The following CHSY3 variants were observed in gnomAD, a reference collection of about 807,000 sequenced individuals.
CHSY3 encodes N-acetylgalactosaminyl-proteoglycan 3-beta-glucuronosyltransferase 3.
CHSY3 carries 35 observed loss-of-function variants against 67.2 expected under a neutral mutation model. The ratio of observed to expected loss-of-function variants is 0.52; its 90% CI spans 0.40 to 0.69. The LOEUF (loss-of-function observed/expected upper bound fraction) is 0.69. CHSY3 is among the 30% of genes least tolerant of loss of function. The pLI is 0.00. For synonymous variants in CHSY3, 474 were observed against 434.7 expected, an observed-to-expected ratio of 1.09 and a Z score of -1.12; for missense variants, 1,069 against 1,138.5, an observed-to-expected ratio of 0.94 and a Z score of 0.88.
intron 2 of CHSY3, among the ~76,000 whole-genome samples, chr5:130,042,049 A>G (rs1278876278): frequency 6.6e-6 from 1 of 152,102 alleles, no homozygotes; most frequent in Non-Finnish European, 1.5e-5. Context: ...AGCCTGGGCA[A>G]CATATTAAGA....
At chr5:129,945,002 A>G (rs1761809280) in intron 2 of CHSY3, among the ~76,000 whole-genome samples, 1 of 152,162 alleles carries the variant, frequency 6.6e-6, no homozygotes, top group South Asian at 2.1e-4. Flanking sequence ...ATTTTAGAAC[A>G]CTTATATTCC....
chr5:129,933,276 T>G (rs974976279), intron 2 of CHSY3, among the ~76,000 whole-genome samples: 7 of 152,084 alleles, frequency 4.6e-5, no homozygotes, highest in African/African-American at 1.7e-4. Flanking sequence ...AGTAAAATTC[T>G]GTGGAAAGGA....
chr5:129,975,928 G>T (rs1762792923), intron 2 of CHSY3, among the ~76,000 whole-genome samples: 1 of 152,120 alleles, frequency 6.6e-6, no homozygotes, highest in African/African-American at 2.4e-5. Flanking sequence ...CAAGGAGACT[G>T]ATGCATGCAG....
chr5:130,103,037 A>T (rs1351938108), intron 2 of CHSY3, among the ~76,000 whole-genome samples: 1 of 152,086 alleles, frequency 6.6e-6, no homozygotes, highest in African/African-American at 2.4e-5. Context: ...AGAAAAAAAA[A>T]TAGGACTACT....
chr5:130,133,796 G>GA (rs375900326), intron 2 of CHSY3, among the ~76,000 whole-genome samples: 87 of 97,914 alleles, frequency 8.9e-4, no homozygotes, highest in African/African-American at 2.4e-3. Flanking sequence ...AAAAAAAAAA[G>GA]AAAAAAAAAA....
At chr5:130,160,891 A>ATTTTTTTT (rs1171885849) in intron 2 of CHSY3, among the ~76,000 whole-genome samples, 9 of 138,256 alleles carry the variant, frequency 6.5e-5, no homozygotes, top group African/African-American at 2.7e-4. Context: ...TTATTTATTT[A>ATTTTTTTT]TTTATTTTTT....
rs371975374 is a variant in CHSY3 at position 130,146,123 on chromosome 5, C to T, written c.1087-38106C>T. ...AATATATATCCAAAGGAAATATAAT[C>T]AGTATGTTGAAGATATATCTACACT... On this transcript the variant is annotated intron_variant, in intron 2 of 2. Transcript: ENST00000305031. Among the ~76,000 whole-genome samples the T allele has an allele frequency of 2.1e-3, 323 of 152,082 alleles. 6 individuals are homozygous for T. In the South Asian group the frequency reaches 0.035, roughly 17 times the overall value.
intron 2 of CHSY3, among the ~76,000 whole-genome samples, chr5:130,109,666 C>T (rs908224554): frequency 6.6e-6 from 1 of 151,652 alleles, no homozygotes; most frequent in African/African-American, 2.4e-5. Flanking sequence ...CCTTAAAGAA[C>T]ACACTTTCCT....
chr5:130,124,193 G>A (rs1768175347), intron 2 of CHSY3, among the ~76,000 whole-genome samples: 1 of 152,036 alleles, frequency 6.6e-6, no homozygotes, highest in Non-Finnish European at 1.5e-5. Flanking sequence ...ATAACAACAG[G>A]ATGTGAGCCG....
At chr5:129,956,340 C>T (rs887236112) in intron 2 of CHSY3, among the ~76,000 whole-genome samples, 3 of 151,708 alleles carry the variant, frequency 2.0e-5, no homozygotes, top group Admixed American at 6.6e-5. Context: ...GCTTGTTGGT[C>T]GTATGTAGGT....
At chr5:130,034,916 T>C (rs1042889246) in intron 2 of CHSY3, among the ~76,000 whole-genome samples, 1 of 151,934 alleles carries the variant, frequency 6.6e-6, no homozygotes, top group Non-Finnish European at 1.5e-5. Flanking sequence ...TTGCTTGAAA[T>C]ATTAAAGAAG....
chr5:129,938,188 G>A (rs973215805), intron 2 of CHSY3, among the ~76,000 whole-genome samples: 7 of 152,178 alleles, frequency 4.6e-5, no homozygotes, highest in African/African-American at 1.4e-4. Flanking sequence ...TTTAGCCATG[G>A]CTAGAGCTGG....
intron 2 of CHSY3, among the ~76,000 whole-genome samples, chr5:130,164,123 C>A (rs1228437575): frequency 6.6e-6 from 1 of 152,176 alleles, no homozygotes; most frequent in East Asian, 1.9e-4. Context: ...TTAATATGTC[C>A]TTCTGGTTTT....
chr5:130,099,431 G>A (rs891884948), intron 2 of CHSY3, among the ~76,000 whole-genome samples: 13 of 152,174 alleles, frequency 8.5e-5, no homozygotes, highest in Non-Finnish European at 1.8e-4. Context: ...AGATGCCAAG[G>A]ATGTAGTGAC....
intron 2 of CHSY3, among the ~76,000 whole-genome samples, chr5:130,114,218 A>G (rs1378491307): frequency 1.3e-5 from 2 of 152,192 alleles, no homozygotes; most frequent in Non-Finnish European, 2.9e-5. Flanking sequence ...AACAACCAGA[A>G]GTCTGGTGAG....
chr5:129,912,707 A>G (rs1760607318), intron 2 of CHSY3, among the ~76,000 whole-genome samples: 2 of 152,178 alleles, frequency 1.3e-5, no homozygotes, highest in Admixed American at 6.5e-5. Context: ...GTGCACCCAG[A>G]CCACAGTAGA....
intron 2 of CHSY3, among the ~76,000 whole-genome samples, chr5:130,128,602 T>C (rs1327718533): frequency 6.6e-6 from 1 of 152,108 alleles, no homozygotes; most frequent in African/African-American, 2.4e-5. Flanking sequence ...TTAGTGCCTA[T>C]AGCTAATAAT....
rs142227108 is a variant in CHSY3, at chr5:130,139,861, C to G, written c.1087-44368C>G. On this transcript the variant is annotated intron_variant, in intron 2 of 2. Coordinates refer to ENST00000305031, the MANE Select transcript of CHSY3 (RefSeq NM_175856.5). ...GCTTACCTCGAATAATAGATCTTACCTCAAAAGTAGAACTACTTCCTACTA... is the reference window on the plus strand; with the variant it reads ...GCTTACCTCGAATAATAGATCTTACGTCAAAAGTAGAACTACTTCCTACTA... Among the ~76,000 whole-genome samples, 298 of 152,162 alleles carry G rather than the reference C, an allele frequency of 2.0e-3. 2 individuals carry two copies. Among genetic ancestry groups the G allele is most frequent in the Middle Eastern group, 6.8e-3 (2 of 294 alleles).
intron 2 of CHSY3, among the ~76,000 whole-genome samples, chr5:129,932,487 C>G (rs1163584805): frequency 2.0e-5 from 3 of 151,924 alleles, no homozygotes; most frequent in Non-Finnish European, 2.9e-5. Context: ...GTGTTTGGCC[C>G]AAAAATTGGA....
Sources: gnomAD v4.1 joint callset for allele counts (sites outside exome capture counted in the v4.1 genomes callset) on GRCh38, gnomAD v4.1.1 for gene constraint, MANE v1.5 for transcripts, NCBI Gene and HGNC (gene_info 2026-07-23, HGNC 2026-07-21) for gene names.